The following CPNE8 variants were observed in gnomAD, a reference collection of about 807,000 sequenced individuals.
CPNE8 encodes the protein copine-8.
A neutral mutation model predicts 81.5 loss-of-function variants in CPNE8; 45 were observed. The observed-to-expected ratio is 0.55, with a 90% CI of 0.44 to 0.71. The LOEUF (loss-of-function observed/expected upper bound fraction) is 0.71. Ranked by LOEUF, CPNE8 falls within the 30% of genes least tolerant of loss-of-function variation. CPNE8 has a pLI of 0.00. For synonymous variants in CPNE8, 252 were observed against 226.3 expected, an observed-to-expected ratio of 1.11 and a Z score of -1.02; for missense variants, 594 against 672.1, an observed-to-expected ratio of 0.88 and a Z score of 1.28.
chr12:38,664,702 T>C (rs1939029309), intron 19 of CPNE8, among the ~76,000 whole-genome samples: 1 of 152,132 alleles, frequency 6.6e-6, no homozygotes, highest in Non-Finnish European at 1.5e-5. Flanking sequence ...TAATCATCAC[T>C]GTTCTTACAA....
At chr12:38,834,052 G>C (rs927582705) in intron 5 of CPNE8, among the ~76,000 whole-genome samples, 1 of 152,122 alleles carries the variant, frequency 6.6e-6, no homozygotes, top group Non-Finnish European at 1.5e-5. Flanking sequence ...GTAACCAGGG[G>C]CTATATCAAG....
In CPNE8 at chr12:38,699,348, G is replaced by A. The variant is rs187799259; in HGVS notation, c.961+3527C>T. 1.4e-3 allele frequency among the ~76,000 whole-genome samples: 218 copies of A among 152,234 alleles called. 1 individual carries two copies. Among genetic ancestry groups the A allele is most frequent in the African/African-American group, 5.0e-3 (207 of 41,538 alleles). On this transcript the variant is annotated intron_variant, in intron 14 of 19. Coordinates refer to ENST00000331366, the MANE Select transcript of CPNE8 (RefSeq NM_153634.3). ...TTCTTAGTTCACCTAATTCACTGGT[G>A]CTAGTCACCTTTTGTTAGTTCATTG...
At chr12:38,681,336 T>C (rs991958684) in intron 16 of CPNE8, among the ~76,000 whole-genome samples, 14 of 152,070 alleles carry the variant, frequency 9.2e-5, no homozygotes, top group African/African-American at 3.4e-4. Flanking sequence ...ACAAAAACCA[T>C]TATTTTAAAA....
At chr12:38,702,852 CA>C (rs778842618) in intron 14 of CPNE8, 22 bp downstream of exon 14, 16 of 1,412,312 alleles carry the variant, frequency 1.1e-5, no homozygotes, top group Non-Finnish European at 1.5e-5. Context: ...TGATTTTTAT[CA>C]GGGGATAATC....
Position 38,730,279 on chromosome 12 carries a change from T to C in CPNE8, c.798+4A>G, listed in dbSNP as rs781544145. 6.5e-7 allele frequency: 1 copy of C among 1,530,888 alleles called. No individual in the cohort carries two copies. The highest frequency in any genetic ancestry group is 1.1e-5 in the South Asian group (1 of 88,468). 94.8% of individuals were successfully genotyped at this position (1,530,888 alleles called of 1,614,324 possible). A position where few individuals can be genotyped will look rare whatever the true frequency, so the allele number is the denominator to read the frequency against. ...AAACAATGGTAAAATAAAATGCCTC[T>C]TACCTCATATACGTTGAATTGTGAC... On this transcript the variant is annotated splice_donor_region_variant and intron_variant, in intron 11 of 19. Coordinates refer to ENST00000331366, the MANE Select transcript of CPNE8 (RefSeq NM_153634.3).
intron 3 of CPNE8, among the ~76,000 whole-genome samples, chr12:38,862,984 T>C (rs1466696572): frequency 6.6e-6 from 1 of 150,424 alleles, no homozygotes; most frequent in African/African-American, 2.5e-5. Context: ...AACCCAAAAA[T>C]GAGAAAAAAA....
At chr12:38,723,876 C>T (rs200515660) in intron 12 of CPNE8, 43 bp from the exon 13 acceptor site, 142 of 1,087,988 alleles carry the variant, frequency 1.3e-4, no homozygotes, top group East Asian at 5.2e-4. Flanking sequence ...TTGTTTGTGA[C>T]CCCAAATAGA....
intron 10 of CPNE8, among the ~76,000 whole-genome samples, chr12:38,736,474 A>T (rs1940956245): frequency 6.6e-6 from 1 of 150,388 alleles, no homozygotes; most frequent in Admixed American, 6.7e-5. Context: ...ATAATTTATC[A>T]CATTTAAGCC....
At chr12:38,881,080 G>T (rs1944148143) in intron 1 of CPNE8, among the ~76,000 whole-genome samples, 1 of 151,938 alleles carries the variant, frequency 6.6e-6, no homozygotes, top group South Asian at 2.1e-4. Context: ...CGTGGTGGCG[G>T]GCGCCTTCAT....
At chr12:38,828,612 G>C (rs926509465) in intron 6 of CPNE8, among the ~76,000 whole-genome samples, 1 of 152,116 alleles carries the variant, frequency 6.6e-6, no homozygotes, top group Non-Finnish European at 1.5e-5. Context: ...TTTTGAGTTT[G>C]AGATTCTTAA....
chr12:38,842,599 A>G lies in CPNE8; in HGVS notation c.291-2644T>C, dbSNP rs1379079787. On this transcript the variant is annotated intron_variant, in intron 4 of 19. Transcript: ENST00000331366. ...TTTTTTTTTTTTTTTTTTTGGAGTC[A>G]GAGTCTCACTCTGTTGCCCAGGCTG... Among the ~76,000 whole-genome samples, 3 of 123,942 alleles carry G rather than the reference A, an allele frequency of 2.4e-5. No individual in the cohort carries two copies. In the East Asian group the frequency reaches 6.7e-4, roughly 28 times the overall value. 81.3% of individuals were successfully genotyped at this position (123,942 alleles called of 152,430 possible).
intron 11 of CPNE8, among the ~76,000 whole-genome samples, chr12:38,726,170 G>A (rs1940691974): frequency 6.6e-6 from 1 of 151,162 alleles, no homozygotes; most frequent in Non-Finnish European, 1.5e-5. Context: ...GTTGTAAGGG[G>A]AGAAAATGAA....
chr12:38,702,820 T>C, intron 14 of CPNE8, 55 bp downstream of exon 14: 1 of 1,058,478 alleles, frequency 9.4e-7, no homozygotes, highest in Non-Finnish European at 1.4e-6. Flanking sequence ...AAATATAAAT[T>C]TATTTTTCAT....
At position 38,729,402 on chromosome 12, in the gene CPNE8, A is replaced by G. The variant is rs1156711676; in HGVS notation, c.798+881T>C. ...ATACTACTATATAGAGCACATATCT[A>G]TCTACACAAAACATATTTTATATCT... is the stretch of plus-strand genomic sequence containing the variant. On this transcript the variant is annotated intron_variant, in intron 11 of 19. Coordinates refer to ENST00000331366, the MANE Select transcript of CPNE8 (RefSeq NM_153634.3). Among the ~76,000 whole-genome samples, 5 of 152,070 alleles carry G rather than the reference A, an allele frequency of 3.3e-5. No homozygotes were observed. The East Asian group carries it at 9.6e-4, about 29-fold the overall frequency.
intron 18 of CPNE8, among the ~76,000 whole-genome samples, chr12:38,675,185 A>G (rs1166439000): frequency 1.3e-5 from 2 of 152,124 alleles, no homozygotes; most frequent in African/African-American, 4.8e-5. Context: ...CTCCATTTTC[A>G]TTTTACTTTT....
intron 10 of CPNE8, among the ~76,000 whole-genome samples, chr12:38,737,360 T>C (rs1940979991): frequency 6.6e-6 from 1 of 152,062 alleles, no homozygotes; most frequent in South Asian, 2.1e-4. Flanking sequence ...AGAACAAATA[T>C]ACACATATAC....
At chr12:38,886,541 T>C (rs970761572) in intron 1 of CPNE8, among the ~76,000 whole-genome samples, 6 of 152,136 alleles carry the variant, frequency 3.9e-5, no homozygotes, top group African/African-American at 1.4e-4. Flanking sequence ...TCAACACAGA[T>C]TTATTGGGCA....
At chr12:38,862,391 A>G (rs773485331) in intron 3 of CPNE8, among the ~76,000 whole-genome samples, 12 of 152,150 alleles carry the variant, frequency 7.9e-5, no homozygotes, top group African/African-American at 1.7e-4. Context: ...TAAATAAAGC[A>G]TTCAGATGTT....
chr12:38,750,997 T>C (rs960513028), intron 10 of CPNE8, among the ~76,000 whole-genome samples: 1 of 152,026 alleles, frequency 6.6e-6, no homozygotes, highest in Non-Finnish European at 1.5e-5. Context: ...GTCTTTCCCA[T>C]GCTGTTCTCC....
Sources: allele counts gnomAD v4.1 joint callset (sites outside exome capture counted in the v4.1 genomes callset), GRCh38; gene constraint gnomAD v4.1.1; transcripts MANE v1.5; gene names NCBI Gene and HGNC (gene_info 2026-07-23, HGNC 2026-07-21).